Variants in SUOX observed in about 807,000 individuals in gnomAD.
SUOX encodes the protein sulfite oxidase, also known as sulfite oxidase, mitochondrial.
SUOX carries 39 observed loss-of-function variants against 41.9 expected under a neutral mutation model. The observed-to-expected ratio is 0.93, with a 90% CI of 0.72 to 1.21. The LOEUF is 1.21. SUOX is among the 50% of genes most tolerant of loss of function. The pLI is 0.00. For synonymous variants in SUOX, 220 were observed against 268.4 expected (o/e 0.82, Z 1.76); for missense variants, 633 against 689.5 (o/e 0.92, Z 0.92).
rs781026257 is a variant in SUOX at position 56,002,796 on chromosome 12, A to C, written c.228+76A>C. The C allele has an allele frequency of 1.9e-6, 3 of 1,579,830 alleles. No homozygotes were observed. The East Asian group carries it at 6.7e-5, about 35-fold the overall frequency. ...ACGCCTGTTATCCCAGCACTATAGG[A>C]GGCCAAGGTGGGTGGGTCACTTGAG... is the stretch of plus-strand genomic sequence containing the variant. On this transcript the variant is annotated intron_variant, in intron 4 of 4. Coordinates refer to ENST00000266971, the MANE Select transcript of SUOX (RefSeq NM_001032386.2).
chr12:56,004,585 AT>A lies in SUOX; in HGVS notation c.1198del (p.Tyr400ThrfsTer13). On this transcript the variant is annotated frameshift_variant, in exon 5 of 5. Transcript: ENST00000266971. LOFTEE classifies it high-confidence loss of function. This position sits in a 1 kb window ranked among gnomAD's most constrained non-coding sequence, Gnocchi z 4.5. ...AGTTACAGCCACTGGCAACGGCGGG[AT>A]TACAAAGGCTTCTCTCCATCTGTGG... ...EESYSHWQRR[D>X]YKGFSPSVDW... 6.2e-7 allele frequency: 1 copy of A among 1,614,122 alleles called. No individual in the cohort carries two copies.
Position 56,003,068 on chromosome 12 carries a change from A to G in SUOX, c.228+348A>G, listed in dbSNP as rs77456164. The G allele has an allele frequency of 4.8e-4, 151 of 314,440 alleles. 2 individuals are homozygous for G. The East Asian group carries it at 7.1e-3, about 15-fold the overall frequency. 19.5% of individuals were successfully genotyped at this position (314,440 alleles called of 1,614,324 possible). ...AAAAAATTGTCAGAATAAAGGAATC[A>G]GTCCTAGTAAACTCCACAGGCAACC... On this transcript the variant is annotated intron_variant, in intron 4 of 4. Coordinates refer to ENST00000266971, the MANE Select transcript of SUOX (RefSeq NM_001032386.2).
intron 2 of SUOX, among the ~76,000 whole-genome samples, chr12:56,000,684 A>G (rs894697397): frequency 3.3e-5 from 5 of 152,188 alleles, no homozygotes. Context: ...GGCTGTGAGG[A>G]CTGCCAGCAC....
Position 56,005,411 on chromosome 12 carries a change from A to C in SUOX, c.*384A>C. The C allele has an allele frequency of 1.9e-6, 1 of 519,682 alleles. No individual in the cohort carries two copies. The highest frequency in any genetic ancestry group is 3.4e-6 in the Non-Finnish European group (1 of 296,262). 32.2% of individuals were successfully genotyped at this position (519,682 alleles called of 1,614,324 possible). On this transcript the variant is annotated 3_prime_UTR_variant, in exon 5 of 5. Transcript: ENST00000266971. ...TGTGGCATGTGTAAGAAAAGTGTAT[A>C]TACTATCTTATACTACCTCTCCAGG...
rs569489585 is a variant in SUOX, at chr12:55,998,319, A to G, written c.-11+596A>G. Among the ~76,000 whole-genome samples the G allele has an allele frequency of 1.5e-4, 23 of 151,476 alleles. No individual in the cohort carries two copies. In the South Asian group the frequency reaches 4.2e-3, roughly 28 times the overall value. On this transcript the variant is annotated intron_variant, in intron 2 of 4. Transcript: ENST00000266971. The stretch of plus-strand genomic sequence containing the variant: ...CCAGGACTTTGTGAGACCAAGTTTG[A>G]AGGATCACTTGAACCCAGGAGTTTG...
intron 2 of SUOX, among the ~76,000 whole-genome samples, chr12:55,998,046 T>C (rs942480283): frequency 2.6e-5 from 4 of 152,078 alleles, no homozygotes; most frequent in African/African-American, 4.8e-5. Context: ...ACAGAGAAGA[T>C]TGAGGTGGTC....
Position 56,002,592 on chromosome 12 carries a change from G to A in SUOX, c.100G>A (p.Asp34Asn), listed in dbSNP as rs776364125. Residue 34 changes from aspartate to asparagine, a missense_variant, in exon 4 of 5, where the codon GAT (aspartate) becomes AAT (asparagine). Coordinates refer to ENST00000266971, the MANE Select transcript of SUOX (RefSeq NM_001032386.2). The stretch of plus-strand genomic sequence containing the variant: ...CTGCATTCAGGCCTGCTCCACAAAT[G>A]ATTCATTTCAGCCCCAGCGCCCCAG... Reference protein sequence around the residue: ...RICIQACSTNDSFQPQRPSLT... With the variant: ...RICIQACSTNNSFQPQRPSLT... 1 of 1,613,964 alleles carries A rather than the reference G, an allele frequency of 6.2e-7. No individual in the cohort carries two copies. The highest frequency in any genetic ancestry group is 1.1e-5 in the South Asian group (1 of 91,072).
rs531732741 is a variant in SUOX at position 56,000,941 on chromosome 12, C to T, written c.-10-1271C>T. ...GACTACAGGCGCCCGCCGCCAAGCC[C>T]GGCTAATTTTTTTTTTTCTATTTTT... On this transcript the variant is annotated intron_variant, in intron 2 of 4. Transcript: ENST00000266971. 1.4e-3 allele frequency among the ~76,000 whole-genome samples: 217 copies of T among 151,674 alleles called. 2 individuals are homozygous for T. The highest frequency in any genetic ancestry group is 0.01 in the South Asian group (48 of 4,798).
chr12:55,998,316 T>G (rs1406065579), intron 2 of SUOX, among the ~76,000 whole-genome samples: 1 of 150,986 alleles, frequency 6.6e-6, no homozygotes, highest in Non-Finnish European at 1.5e-5. Flanking sequence ...GAGACCAAGT[T>G]TGAAGGATCA....
In SUOX at chr12:56,002,244, T is replaced by C. The variant is rs537720526; in HGVS notation, c.23T>C (p.Val8Ala). Reference sequence around the variant, plus strand: ...ACAATGCTGCTGCTGCACAGAGCTGTGGTCCTCAGGCTCCAACAGGCCTGC... The same window carrying C: ...ACAATGCTGCTGCTGCACAGAGCTGCGGTCCTCAGGCTCCAACAGGCCTGC... The part of the protein sequence containing the change: MLLLHRA[V>A]VLRLQQACRL... Residue 8 changes from valine to alanine, a missense_variant, in exon 3 of 5, where the codon GTG becomes GCG. Coordinates refer to ENST00000266971, the MANE Select transcript of SUOX (RefSeq NM_001032386.2). The C allele has an allele frequency of 2.5e-6, 4 of 1,612,900 alleles. No individual in the cohort carries two copies. In the East Asian group the frequency reaches 6.7e-5, roughly 27 times the overall value.
chr12:56,005,053 C>A lies in SUOX; in HGVS notation c.*26C>A. On this transcript the variant is annotated 3_prime_UTR_variant, in exon 5 of 5. Coordinates refer to ENST00000266971, the MANE Select transcript of SUOX (RefSeq NM_001032386.2). Reference sequence around the variant, plus strand: ...GCATGGAAAGGAGCCACCTCCACCCCTTTCCCCACCCATTAGCCTCACTGC... The same window carrying A: ...GCATGGAAAGGAGCCACCTCCACCCATTTCCCCACCCATTAGCCTCACTGC... 6.2e-7 allele frequency: 1 copy of A among 1,603,846 alleles called. No homozygotes were observed.
chr12:56,001,001 G>A (rs1409605488), intron 2 of SUOX, among the ~76,000 whole-genome samples: 1 of 151,846 alleles, frequency 6.6e-6, no homozygotes, highest in African/African-American at 2.4e-5. Context: ...TAGCCAGGAT[G>A]GTTTCGATCT....
At chr12:56,000,141 C>T (rs974433515) in intron 2 of SUOX, among the ~76,000 whole-genome samples, 14 of 152,232 alleles carry the variant, frequency 9.2e-5, no homozygotes, top group African/African-American at 2.4e-4. Context: ...CGGTGCCATG[C>T]GCCCGCACTC....
Position 56,002,229 on chromosome 12 carries a change from T to C in SUOX, c.8T>C (p.Leu3Pro), listed in dbSNP as rs1259257460. Reference sequence around the variant, plus strand: ...TTCTACAGGTCTGCTACAATGCTGCTGCTGCACAGAGCTGTGGTCCTCAGG... The same window carrying C: ...TTCTACAGGTCTGCTACAATGCTGCCGCTGCACAGAGCTGTGGTCCTCAGG... MLLLHRAVVLRLQ... is the reference protein window; with the variant it reads MLPLHRAVVLRLQ... The change falls in exon 3 of 5, where the codon CTG (leucine) becomes CCG (proline). Residue 3 changes from leucine to proline, a missense_variant. Transcript: ENST00000266971. 1 of 1,613,200 alleles carries C rather than the reference T, an allele frequency of 6.2e-7. No individual in the cohort carries two copies. Among genetic ancestry groups the C allele is most frequent in the South Asian group, 1.1e-5 (1 of 91,090 alleles).
intron 2 of SUOX, among the ~76,000 whole-genome samples, chr12:55,998,805 T>A (rs1287484291): frequency 6.8e-6 from 1 of 146,746 alleles, no homozygotes; most frequent in Admixed American, 6.8e-5. Context: ...CGCCCAGGCT[T>A]TTTTTTTTTT....
intron 2 of SUOX, among the ~76,000 whole-genome samples, chr12:56,000,815 C>A (rs1890491049): frequency 6.6e-6 from 1 of 151,852 alleles, no homozygotes; most frequent in Non-Finnish European, 1.5e-5. Context: ...GAGACGGAGT[C>A]TCACTCTGTC....
intron 2 of SUOX, among the ~76,000 whole-genome samples, chr12:56,000,690 A>C (rs767861093): frequency 2.2e-4 from 33 of 152,222 alleles, no homozygotes; most frequent in Non-Finnish European, 4.3e-4. Context: ...GAGGACTGCC[A>C]GCACAATGTC....
In SUOX at chr12:56,005,451, C is replaced by T. The variant is rs1451430158; in HGVS notation, c.*424C>T. Reference sequence around the variant, plus strand: ...ACCTCTCCAGGTTGCCAGAGAGTTGCGAGGAGAGCAAGGGGCACAACCGTC... The same window carrying T: ...ACCTCTCCAGGTTGCCAGAGAGTTGTGAGGAGAGCAAGGGGCACAACCGTC... On this transcript the variant is annotated 3_prime_UTR_variant, in exon 5 of 5. Transcript: ENST00000266971. 2 of 467,520 alleles carry T rather than the reference C, an allele frequency of 4.3e-6. No homozygotes were observed. Among genetic ancestry groups the T allele is most frequent in the Non-Finnish European group, 7.5e-6 (2 of 266,480 alleles). 29.0% of individuals were successfully genotyped at this position (467,520 alleles called of 1,614,324 possible).
At chr12:55,998,803 CT>C (rs577413607) in intron 2 of SUOX, among the ~76,000 whole-genome samples, 407 of 142,454 alleles carry the variant, frequency 2.9e-3, no homozygotes, top group Middle Eastern at 7.2e-3. Context: ...ATCGCCCAGG[CT>C]TTTTTTTTTT....
Sources: allele counts gnomAD v4.1 joint callset (sites outside exome capture counted in the v4.1 genomes callset), GRCh38; gene constraint gnomAD v4.1.1; non-coding constraint Gnocchi (gnomAD v3.1); transcripts MANE v1.5; gene names NCBI Gene and HGNC (gene_info 2026-07-23, HGNC 2026-07-21).